Variants in FMO2 observed in about 807,000 individuals in gnomAD.
FMO2 encodes flavin-containing monooxygenase 2.
A neutral mutation model predicts 41.6 loss-of-function variants in FMO2; 33 were observed. The ratio of observed to expected loss-of-function variants is 0.79; its 90% CI spans 0.60 to 1.06. FMO2 has a LOEUF of 1.06. Ranked by LOEUF, FMO2 falls within the 50% of genes least tolerant of loss-of-function variation. The pLI is 0.00. For missense variants in FMO2, 619 were observed against 632.9 expected, an observed-to-expected ratio of 0.98 and a Z score of 0.23; for synonymous variants, 214 against 219.6, an observed-to-expected ratio of 0.97 and a Z score of 0.23.
chr1:171,198,142 G>A (rs184794894), intron 4 of FMO2, among the ~76,000 whole-genome samples: 2 of 152,178 alleles, frequency 1.3e-5, no homozygotes, highest in Admixed American at 6.5e-5. Context: ...CACCGTCAAT[G>A]GCAAATACTT....
At chr1:171,189,298 A>C (rs1657978523) in intron 2 of FMO2, among the ~76,000 whole-genome samples, 1 of 151,954 alleles carries the variant, frequency 6.6e-6, no homozygotes, top group African/African-American at 2.4e-5. Context: ...TTTAATTTTC[A>C]TGTAATACTC....
intron 1 of FMO2, 174 bp downstream of exon 1, chr1:171,185,533 A>G (rs780968699): frequency 3.5e-6 from 2 of 570,758 alleles, no homozygotes; most frequent in Non-Finnish European, 6.1e-6. Context: ...TAAGAAACTC[A>G]GCTTTTCTCA....
At chr1:171,189,654 CTTTTCTT>C (rs1420815350) in intron 2 of FMO2, among the ~76,000 whole-genome samples, 1 of 122,774 alleles carries the variant, frequency 8.1e-6, no homozygotes, top group Non-Finnish European at 1.6e-5. Flanking sequence ...CGTCTTTTTT[CTTTTCTT>C]TTTTTTTTTT....
intron 2 of FMO2, among the ~76,000 whole-genome samples, chr1:171,192,765 CAAA>C (rs71561558): frequency 2.5e-4 from 28 of 111,548 alleles, no homozygotes; most frequent in African/African-American, 5.6e-4. Context: ...GACTCTGTCT[CAAA>C]AAAAAAAAAA....
At chr1:171,189,331 T>C (rs1041035990) in intron 2 of FMO2, among the ~76,000 whole-genome samples, 1 of 152,034 alleles carries the variant, frequency 6.6e-6, no homozygotes, top group Non-Finnish European at 1.5e-5. Context: ...TCAATCTTGG[T>C]TTTCTTCCTC....
At chr1:171,206,962 G>A (rs916702994) in intron 7 of FMO2, among the ~76,000 whole-genome samples, 4 of 152,172 alleles carry the variant, frequency 2.6e-5, no homozygotes, top group Non-Finnish European at 4.4e-5. Flanking sequence ...AGGAATCTAG[G>A]AGGACTTACA....
In FMO2 at chr1:171,188,029, AATTTTTTTTTT is replaced by A. The variant is rs1300357733; in HGVS notation, c.132+2185_132+2195del. ...AGGTTCACATGTAGATTTCAGCTGG[AATTTTTTTTTT>A]TTTTTTTTTTTTTTGCTCCCAGGTA... On this transcript the variant is annotated intron_variant, in intron 2 of 8. Coordinates refer to ENST00000209929, the MANE Select transcript of FMO2 (RefSeq NM_001460.5). Among the ~76,000 whole-genome samples, 119 of 129,628 alleles carry A rather than the reference AATTTTTTTTTT, an allele frequency of 9.2e-4. 1 individual carries two copies. The highest frequency in any genetic ancestry group is 3.2e-3 in the African/African-American group (112 of 35,418). 85.0% of individuals were successfully genotyped at this position (129,628 alleles called of 152,430 possible). A position where few individuals can be genotyped will look rare whatever the true frequency, so the allele number is the denominator to read the frequency against.
intron 5 of FMO2, among the ~76,000 whole-genome samples, chr1:171,200,678 G>C (rs1658500372): frequency 6.6e-6 from 1 of 152,166 alleles, no homozygotes; most frequent in African/African-American, 2.4e-5. Context: ...CGGGAACAGA[G>C]CAGGTCACTA....
chr1:171,191,330 T>C (rs28369833), intron 2 of FMO2, among the ~76,000 whole-genome samples: 17,804 of 152,098 alleles, frequency 0.12, 1,184 homozygotes, highest in African/African-American at 0.17. Context: ...ATTGACCTGA[T>C]AGAGAAGCCA....
At chr1:171,207,626 A>C (rs1046407097) in intron 7 of FMO2, 92 bp from the exon 8 acceptor site, 9 of 907,932 alleles carry the variant, frequency 9.9e-6, no homozygotes, top group Admixed American at 6.1e-5. Flanking sequence ...GACATGGTTC[A>C]ATGTCCAGAG....
Position 171,205,370 on chromosome 1 carries a change from ACAGAAACTTCTG to A in FMO2, c.921_932del (p.Glu308_Ala311del), listed in dbSNP as rs1228306572. ...GGTGAAATCTACAGTGAAAGAGCTC[ACAGAAACTTCTG>A]CCATCTTTGAGGATGGAACAGTGGA... On this transcript the variant is annotated inframe_deletion, in exon 7 of 9. Transcript: ENST00000209929. 3.1e-6 allele frequency: 5 copies of A among 1,613,752 alleles called. No individual in the cohort carries two copies. Among genetic ancestry groups the A allele is most frequent in the Non-Finnish European group, 4.2e-6 (5 of 1,179,852 alleles).
intron 1 of FMO2, 159 bp from the exon 2 acceptor site, chr1:171,185,549 A>G (rs1657806854): frequency 3.0e-6 from 2 of 658,616 alleles, no homozygotes; most frequent in Non-Finnish European, 2.5e-6. Context: ...TCTCAAAGGC[A>G]AGAAGAGAGC....
chr1:171,189,659 C>CTTTTTTTTTTTTTT (rs397827245), intron 2 of FMO2, among the ~76,000 whole-genome samples: 1 of 121,474 alleles, frequency 8.2e-6, no homozygotes, highest in Non-Finnish European at 1.7e-5. Flanking sequence ...TTTTTCTTTT[C>CTTTTTTTTTTTTTT]TTTTTTTTTT....
At chr1:171,198,418 T>A (rs1658385885) in intron 4 of FMO2, among the ~76,000 whole-genome samples, 1 of 152,038 alleles carries the variant, frequency 6.6e-6, no homozygotes, top group African/African-American at 2.4e-5. Context: ...TGATTTTTTT[T>A]TTTTTTTGAG....
At chr1:171,202,331 C>T (rs964749936) in intron 5 of FMO2, among the ~76,000 whole-genome samples, 1 of 152,076 alleles carries the variant, frequency 6.6e-6, no homozygotes, top group Non-Finnish European at 1.5e-5. Context: ...ATAAGGGCAA[C>T]GGCAGGAGAA....
At chr1:171,201,934 G>T (rs1212091481) in intron 5 of FMO2, among the ~76,000 whole-genome samples, 1 of 152,118 alleles carries the variant, frequency 6.6e-6, no homozygotes, top group Non-Finnish European at 1.5e-5. Context: ...TCTCCACCTG[G>T]TCCTGCCCTT....
intron 5 of FMO2, among the ~76,000 whole-genome samples, chr1:171,201,614 A>G (rs1658539488): frequency 6.6e-6 from 1 of 152,160 alleles, no homozygotes; most frequent in African/African-American, 2.4e-5. Flanking sequence ...CTCTACCACA[A>G]TCCAAAAGCA....
intron 5 of FMO2, among the ~76,000 whole-genome samples, chr1:171,200,078 T>C (rs1658471780): frequency 1.3e-5 from 2 of 152,174 alleles, no homozygotes; most frequent in African/African-American, 4.8e-5. Context: ...TTCTGGAGGG[T>C]GGCTTTTAGA....
intron 7 of FMO2, among the ~76,000 whole-genome samples, chr1:171,206,092 G>C (rs1315808174): frequency 6.6e-6 from 1 of 152,154 alleles, no homozygotes; most frequent in Non-Finnish European, 1.5e-5. Context: ...TGTCTGTGTA[G>C]CACTTCATAC....
Sources: allele counts gnomAD v4.1 joint callset (sites outside exome capture counted in the v4.1 genomes callset), GRCh38; gene constraint gnomAD v4.1.1; transcripts MANE v1.5; gene names NCBI Gene and HGNC (gene_info 2026-07-23, HGNC 2026-07-21).